Variants in UGT2B4 observed in about 807,000 individuals in gnomAD.
UGT2B4 encodes UDP-glucuronosyltransferase 2B4.
Under a neutral mutation model 49.8 loss-of-function variants are expected in UGT2B4, and 49 were observed. The observed-to-expected ratio is 0.98, with a 90% CI of 0.78 to 1.25. The LOEUF (loss-of-function observed/expected upper bound fraction) is 1.25, where lower values mean the gene tolerates loss of function less well. UGT2B4 is among the 50% of genes most tolerant of loss of function. The pLI is 0.00. For missense variants in UGT2B4, 729 were observed against 627.7 expected, an observed-to-expected ratio of 1.16 and a Z score of -1.73; for synonymous variants, 246 against 217.7, an observed-to-expected ratio of 1.13 and a Z score of -1.14.
chr4:69,499,675 G>T (rs116780153), upstream of UGT2B4, among the ~76,000 whole-genome samples: 101 of 152,148 alleles, frequency 6.6e-4, no homozygotes, highest in African/African-American at 2.3e-3. Flanking sequence ...CAGAAATTAG[G>T]ATAGCAAGAC....
At chr4:69,502,964 C>T (rs1728379701) in intron 1 of UGT2B4, among the ~76,000 whole-genome samples, 1 of 92,724 alleles carries the variant, frequency 1.1e-5, no homozygotes, top group Non-Finnish European at 2.3e-5. Flanking sequence ...TGAGTGATTG[C>T]TGACCAGCAC....
At position 69,480,748 on chromosome 4, in the gene UGT2B4, CAA is replaced by C. The variant is rs901641166; in HGVS notation, c.1471_1472del (p.Leu491GlyfsTer29). ...AGGCCAGCAGGAACCCAGTCACATC[CAA>C]AGAGTGGTACTGGAACCAGGTGAGG... ...HDLTWFQYHSLDVTGFLLACV... is the reference protein window; with the variant it reads ...HDLTWFQYHSXDVTGFLLACV... On this transcript the variant is annotated frameshift_variant, in exon 6 of 6. Transcript: ENST00000305107. LOFTEE classifies it high-confidence loss of function. 2 of 1,613,946 alleles carry C rather than the reference CAA, an allele frequency of 1.2e-6. No individual in the cohort carries two copies. Among genetic ancestry groups the C allele is most frequent in the African/African-American group, 2.7e-5 (2 of 75,002 alleles).
upstream of UGT2B4, chr4:69,496,039 C>T: frequency 9.3e-7 from 1 of 1,075,986 alleles, no homozygotes; most frequent in Non-Finnish European, 1.3e-6. Flanking sequence ...GGTAGATGAC[C>T]TGTTTACACA....
intron 1 of UGT2B4, 70 bp from the exon 2 acceptor site, chr4:69,493,911 G>GTTAGAATAA: frequency 6.5e-7 from 1 of 1,527,242 alleles, no homozygotes; most frequent in Non-Finnish European, 8.7e-7. Flanking sequence ...TCTGAAAGAA[G>GTTAGAATAA]TTAGAATAAT....
In UGT2B4 at chr4:69,513,252, A is replaced by AT. The variant is rs1728651275; in HGVS notation, c.-106+12434dup. The stretch of plus-strand genomic sequence containing the variant: ...TAAATCTTTAATCCATCTTGAGTTG[A>AT]TTTTTGTAAATGATGTAAAGAAGGT... On this transcript the variant is annotated intron_variant, in intron 1 of 1. Transcript: ENST00000510114. 7.2e-5 allele frequency among the ~76,000 whole-genome samples: 11 copies of AT among 152,256 alleles called. 1 individual carries two copies. In the South Asian group the frequency reaches 2.3e-3, roughly 32 times the overall value.
At chr4:69,513,984 T>C (rs1028062158) in intron 1 of UGT2B4, among the ~76,000 whole-genome samples, 2 of 145,778 alleles carry the variant, frequency 1.4e-5, no homozygotes, top group Admixed American at 1.4e-4. Context: ...GCTGAGATGA[T>C]GGGGTTTTAT....
chr4:69,520,744 G>T (rs2109834265), intron 1 of UGT2B4, among the ~76,000 whole-genome samples: 1 of 152,256 alleles, frequency 6.6e-6, no homozygotes, highest in East Asian at 1.9e-4. Flanking sequence ...GGGGACTGAG[G>T]ATGGCTCAGC....
At chr4:69,519,405 T>G (rs1728799133) in intron 1 of UGT2B4, among the ~76,000 whole-genome samples, 1 of 152,026 alleles carries the variant, frequency 6.6e-6, no homozygotes, top group African/African-American at 2.4e-5. Flanking sequence ...ATATCTGAGA[T>G]CAGAAAAAAA....
chr4:69,496,493 T>C (rs41299964), upstream of UGT2B4, among the ~76,000 whole-genome samples: 1,292 of 152,316 alleles, frequency 8.5e-3, 21 homozygotes, highest in African/African-American at 0.029. Context: ...TAAATGTGGT[T>C]CAAAAACTTT....
At chr4:69,484,745 T>A (rs1156324462) in intron 5 of UGT2B4, among the ~76,000 whole-genome samples, 1 of 152,136 alleles carries the variant, frequency 6.6e-6, no homozygotes, top group Non-Finnish European at 1.5e-5. Flanking sequence ...ATATTTGGAT[T>A]TTATACTTAA....
intron 1 of UGT2B4, chr4:69,525,639 T>A: frequency 8.4e-7 from 1 of 1,196,462 alleles, no homozygotes; most frequent in Non-Finnish European, 1.1e-6. Context: ...TCTATGCACC[T>A]GCCATTTTTT....
At chr4:69,504,871 A>G (rs1379104190) in intron 1 of UGT2B4, among the ~76,000 whole-genome samples, 2 of 152,186 alleles carry the variant, frequency 1.3e-5, no homozygotes, top group African/African-American at 2.4e-5. Flanking sequence ...CAGGTCACCT[A>G]CAAAGGGAAG....
At chr4:69,486,229 G>A (rs1727776267) in intron 4 of UGT2B4, among the ~76,000 whole-genome samples, 1 of 152,114 alleles carries the variant, frequency 6.6e-6, no homozygotes, top group African/African-American at 2.4e-5. Flanking sequence ...TACAGAAAAT[G>A]CAGCATCCCT....
chr4:69,502,388 C>A (rs1352599571), intron 1 of UGT2B4, among the ~76,000 whole-genome samples: 1 of 151,726 alleles, frequency 6.6e-6, no homozygotes, highest in Non-Finnish European at 1.5e-5. Context: ...TCTTCAGACA[C>A]CTCTTAGAGG....
chr4:69,523,823 G>A (rs923151358), intron 1 of UGT2B4, among the ~76,000 whole-genome samples: 14 of 152,242 alleles, frequency 9.2e-5, no homozygotes, highest in African/African-American at 3.4e-4. Flanking sequence ...GGTTTGGTGT[G>A]TTAATCTTCA....
In UGT2B4 at chr4:69,480,893, A is replaced by G. The variant is rs375220784; in HGVS notation, c.1328T>C (p.Met443Thr). The G allele has an allele frequency of 1.7e-5, 27 of 1,613,678 alleles. No homozygotes were observed. Among genetic ancestry groups the G allele is most frequent in the Middle Eastern group, 1.6e-4 (1 of 6,076 alleles). ...ATCATGATGAATTCTTGATAATTTCATAGCATTCTCTTTATATCTAAACGA... is the reference window on the plus strand; with the variant it reads ...ATCATGATGAATTCTTGATAATTTCGTAGCATTCTCTTTATATCTAAACGA... ...INDPLYKENAMKLSRIHHDQP... is the reference protein window; with the variant it reads ...INDPLYKENATKLSRIHHDQP... The change falls in exon 6 of 6, where the codon ATG (methionine) becomes ACG (threonine). Residue 443 changes from methionine (M) to threonine (T), a missense_variant. By Grantham distance (81) the Met-to-Thr change is moderately conservative (BLOSUM62 -1). Coordinates refer to ENST00000305107, the MANE Select transcript of UGT2B4 (RefSeq NM_021139.3).
At chr4:69,500,666 A>ACAGAAAGAAAGG (rs1728295641), upstream of UGT2B4, among the ~76,000 whole-genome samples, 1 of 113,796 alleles carries the variant, frequency 8.8e-6, no homozygotes, top group Non-Finnish European at 2.1e-5. Context: ...AGAAAGAAAG[A>ACAGAAAGAAAGG]AAGGAAGGAA....
intron 1 of UGT2B4, among the ~76,000 whole-genome samples, chr4:69,502,082 TCTTTC>T (rs1560438932): frequency 1.2e-3 from 96 of 79,038 alleles, no homozygotes; most frequent in Non-Finnish European, 1.6e-3. Flanking sequence ...TTTCTTTCTT[TCTTTC>T]TCTCTCTTTC....
At chr4:69,499,868 G>T (rs1022466164), upstream of UGT2B4, among the ~76,000 whole-genome samples, 4 of 152,008 alleles carry the variant, frequency 2.6e-5, no homozygotes, top group African/African-American at 9.7e-5. Context: ...TACTTTTAAG[G>T]TTAATATTGT....
Sources: gnomAD v4.1 joint callset for allele counts (sites outside exome capture counted in the v4.1 genomes callset) on GRCh38, gnomAD v4.1.1 for gene constraint, MANE v1.5 for transcripts, NCBI Gene and HGNC (gene_info 2026-07-23, HGNC 2026-07-21) for gene names.